PDE4D: variants seen among roughly 807,000 people sequenced by gnomAD.
The protein encoded by PDE4D is 3',5'-cyclic-AMP phosphodiesterase 4D.
PDE4D carries 24 observed loss-of-function variants against 87.4 expected under a neutral mutation model. The ratio of observed to expected loss-of-function variants is 0.27; its 90% CI spans 0.20 to 0.39. PDE4D has a LOEUF of 0.39. Among genes scored for constraint, PDE4D ranks in the 10% least tolerant of loss-of-function variants. The probability of loss-of-function intolerance (pLI) is 1.00; values close to 1 mark genes in which losing one functional copy is unlikely to be tolerated. For synonymous variants in PDE4D, 384 were observed against 383.2 expected (o/e 1.00, Z -0.02); for missense variants, 714 against 1,041.0 (o/e 0.69, Z 4.32).
At chr5:59,751,847 A>G (rs1016294072) in intron 1 of PDE4D, among the ~76,000 whole-genome samples, 9 of 152,072 alleles carry the variant, frequency 5.9e-5, no homozygotes, top group Non-Finnish European at 1.2e-4. Context: ...CTTCACATTC[A>G]TATCAAATTC....
chr5:59,053,079 G>A (rs1761782280), intron 5 of PDE4D, among the ~76,000 whole-genome samples: 1 of 152,020 alleles, frequency 6.6e-6, no homozygotes, highest in Non-Finnish European at 1.5e-5. Context: ...ATTAGCAACA[G>A]TATTGATGGT....
intron 1 of PDE4D, among the ~76,000 whole-genome samples, chr5:60,481,571 G>T (rs749721570): frequency 2.6e-5 from 4 of 152,084 alleles, no homozygotes; most frequent in Non-Finnish European, 4.4e-5. Context: ...AGCATTTACT[G>T]CAAAGTTTAT....
At chr5:60,036,688 C>G (rs1171346605) in intron 2 of PDE4D, among the ~76,000 whole-genome samples, 1 of 152,176 alleles carries the variant, frequency 6.6e-6, no homozygotes, top group Non-Finnish European at 1.5e-5. Context: ...CAATGTTGTC[C>G]TCTTACCAAA....
chr5:59,309,322 C>A (rs1316728881), intron 1 of PDE4D, among the ~76,000 whole-genome samples: 1 of 152,192 alleles, frequency 6.6e-6, no homozygotes, highest in East Asian at 1.9e-4. Flanking sequence ...ATTTTCTTCT[C>A]CCTGTAGAGT....
At chr5:59,917,744 T>C (rs1275499258) in intron 3 of PDE4D, among the ~76,000 whole-genome samples, 1 of 152,178 alleles carries the variant, frequency 6.6e-6, no homozygotes, top group Non-Finnish European at 1.5e-5. Flanking sequence ...TTAAAATGAA[T>C]TTGAAAGACT....
chr5:59,170,881 C>CTTT (rs1260829199), intron 5 of PDE4D, among the ~76,000 whole-genome samples: 1 of 138,548 alleles, frequency 7.2e-6, no homozygotes, highest in Admixed American at 7.3e-5. Flanking sequence ...TATACTTTCA[C>CTTT]TTTTTTTTTT....
chr5:59,067,268 C>T (rs970602306), intron 5 of PDE4D, among the ~76,000 whole-genome samples: 17 of 151,878 alleles, frequency 1.1e-4, no homozygotes, highest in Non-Finnish European at 2.1e-4. Context: ...CTGCCCACCT[C>T]GGCCTCCCAA....
chr5:60,119,157 T>C (rs906758751), intron 2 of PDE4D, among the ~76,000 whole-genome samples: 19 of 152,344 alleles, frequency 1.2e-4, no homozygotes, highest in Non-Finnish European at 2.5e-4. Context: ...TCATCCATCA[T>C]TTTAGCCTTA....
At chr5:59,428,603 C>T (rs1795661445) in intron 1 of PDE4D, among the ~76,000 whole-genome samples, 1 of 152,142 alleles carries the variant, frequency 6.6e-6, no homozygotes, top group Non-Finnish European at 1.5e-5. Context: ...AAGATGATGA[C>T]TCACCATTCC....
At position 59,528,773 on chromosome 5, in the gene PDE4D, G is replaced by A. The variant is rs959476283; in HGVS notation, c.456-312805C>T. 2.2e-5 allele frequency: 4 copies of A among 185,904 alleles called. No individual in the cohort carries two copies. The Admixed American group carries it at 2.4e-4, about 11-fold the overall frequency. 11.5% of individuals were successfully genotyped at this position (185,904 alleles called of 1,614,324 possible). On this transcript the variant is annotated intron_variant, in intron 1 of 14. Coordinates refer to ENST00000340635, the MANE Select transcript of PDE4D (RefSeq NM_001104631.2). ...ATAATGGTAGCCAAGTTAAGGAATA[G>A]AAAACATAGGGAACAGACCTGATGG...
At chr5:59,271,133 G>A (rs1763754951) in intron 1 of PDE4D, among the ~76,000 whole-genome samples, 1 of 151,638 alleles carries the variant, frequency 6.6e-6, no homozygotes. Context: ...TCCACCTCCT[G>A]GGTTGAAGCA....
intron 1 of PDE4D, among the ~76,000 whole-genome samples, chr5:59,272,732 TTAATTA>T (rs1252509309): frequency 6.6e-6 from 1 of 152,102 alleles, no homozygotes; most frequent in Non-Finnish European, 1.5e-5. Context: ...TAATAAAATT[TTAATTA>T]TAACAGGCTG....
intron 1 of PDE4D, among the ~76,000 whole-genome samples, chr5:60,210,290 T>A (rs376410196): frequency 6.6e-6 from 1 of 152,064 alleles, no homozygotes; most frequent in African/African-American, 2.4e-5. Context: ...AAAAATTATA[T>A]ATAAATCCTC....
chr5:59,725,283 C>T (rs530621276), intron 1 of PDE4D, among the ~76,000 whole-genome samples: 1 of 152,260 alleles, frequency 6.6e-6, no homozygotes, highest in South Asian at 2.1e-4. Flanking sequence ...TGTTTAGTGT[C>T]ACTTGTTTCC....
rs532300135 is a variant in PDE4D at position 59,322,752 on chromosome 5, T to C, written c.456-106784A>G. On this transcript the variant is annotated intron_variant, in intron 1 of 14. Transcript: ENST00000340635. ...TATAAACTGAGGCCTTACAAAGTAT[T>C]GAACATTTCTACTTGCCACATTGGG... 6.4e-4 allele frequency among the ~76,000 whole-genome samples: 98 copies of C among 152,200 alleles called. No individual in the cohort carries two copies. In the South Asian group the frequency reaches 6.8e-3, roughly 11 times the overall value.
chr5:59,995,177 T>G (rs1008436414), intron 2 of PDE4D, among the ~76,000 whole-genome samples: 53 of 152,086 alleles, frequency 3.5e-4, no homozygotes, highest in African/African-American at 1.2e-3. Context: ...AATTGGACAT[T>G]TATTTTTGCT....
chr5:59,080,521 A>G (rs1465183810), intron 5 of PDE4D, among the ~76,000 whole-genome samples: 1 of 152,098 alleles, frequency 6.6e-6, no homozygotes, highest in African/African-American at 2.4e-5. Flanking sequence ...CTCTCTACCT[A>G]CCAACATCGT....
intron 1 of PDE4D, among the ~76,000 whole-genome samples, chr5:59,829,102 G>C (rs73758899): frequency 6.6e-6 from 1 of 151,918 alleles, no homozygotes; most frequent in African/African-American, 2.4e-5. Flanking sequence ...TAATTGTAGT[G>C]AGATTAAGCA....
At chr5:59,265,864 T>G (rs1012877194) in intron 1 of PDE4D, among the ~76,000 whole-genome samples, 1 of 151,976 alleles carries the variant, frequency 6.6e-6, no homozygotes, top group African/African-American at 2.4e-5. Flanking sequence ...CATAGTTAAG[T>G]ACACAATAAA....
Sources: gnomAD v4.1 joint callset for allele counts (sites outside exome capture counted in the v4.1 genomes callset) on GRCh38, gnomAD v4.1.1 for gene constraint, MANE v1.5 for transcripts, NCBI Gene and HGNC (gene_info 2026-07-23, HGNC 2026-07-21) for gene names.